Variants in ARHGAP24 observed in about 807,000 individuals in gnomAD.
ARHGAP24 encodes the protein rho GTPase-activating protein 24.
ARHGAP24 carries 50 observed loss-of-function variants against 76.4 expected under a neutral mutation model. The ratio of observed to expected loss-of-function variants is 0.65; its 90% CI spans 0.52 to 0.83. The LOEUF is 0.83. ARHGAP24 is among the 40% of genes least tolerant of loss of function. ARHGAP24 has a pLI of 0.00. For synonymous variants in ARHGAP24, 345 were observed against 323.3 expected, an observed-to-expected ratio of 1.07 and a Z score of -0.72; for missense variants, 930 against 914.2, an observed-to-expected ratio of 1.02 and a Z score of -0.22.
intron 4 of ARHGAP24, among the ~76,000 whole-genome samples, chr4:85,935,361 C>A (rs946252898): frequency 1.3e-5 from 2 of 152,108 alleles, no homozygotes; most frequent in African/African-American, 2.4e-5. Flanking sequence ...AGCACCACAC[C>A]AAATTATCTA....
chr4:85,930,904 C>G, intron 4 of ARHGAP24: 1 of 1,613,182 alleles, frequency 6.2e-7, no homozygotes, highest in Non-Finnish European at 8.5e-7. Flanking sequence ...GAAGCCAAAA[C>G]CGGGTTCAGA....
intron 1 of ARHGAP24, among the ~76,000 whole-genome samples, chr4:85,503,000 G>C (rs982707421): frequency 3.9e-5 from 6 of 152,172 alleles, no homozygotes; most frequent in Non-Finnish European, 8.8e-5. Context: ...CGTAGGTTCT[G>C]TTTATGTGAT....
At chr4:85,655,822 G>GAGAGAC (rs1553920546) in intron 2 of ARHGAP24, among the ~76,000 whole-genome samples, 1 of 107,950 alleles carries the variant, frequency 9.3e-6, no homozygotes, top group Non-Finnish European at 1.8e-5. Flanking sequence ...GAGAGAAAGA[G>GAGAGAC]AGAGAGAGAG....
intron 6 of ARHGAP24, 26 bp downstream of exon 6, chr4:85,972,194 TA>T (rs770511430): frequency 6.2e-7 from 1 of 1,612,028 alleles, no homozygotes; most frequent in Non-Finnish European, 8.5e-7. Flanking sequence ...TATTTCCAAA[TA>T]AGCTTTTGTT....
intron 3 of ARHGAP24, among the ~76,000 whole-genome samples, chr4:85,821,698 T>G (rs978770192): frequency 6.6e-6 from 1 of 152,204 alleles, no homozygotes; most frequent in Non-Finnish European, 1.5e-5. Flanking sequence ...TATTTTTATA[T>G]GAAGGCATAA....
chr4:85,986,854 A>G (rs1269534739), intron 8 of ARHGAP24, among the ~76,000 whole-genome samples: 1 of 152,134 alleles, frequency 6.6e-6, no homozygotes, highest in Non-Finnish European at 1.5e-5. Flanking sequence ...TAGAGTTCTC[A>G]CAAAGGTATT....
intron 2 of ARHGAP24, among the ~76,000 whole-genome samples, chr4:85,655,806 GAGAGAGAGAGAA>G (rs561596414): frequency 0.14 from 10,748 of 76,662 alleles, 376 homozygotes; most frequent in East Asian, 0.22. Flanking sequence ...GAGAGAGAGA[GAGAGAGAGAGAA>G]AGAGAGAGAG....
chr4:85,680,324 T>C (rs1189050285), intron 2 of ARHGAP24, among the ~76,000 whole-genome samples: 4 of 152,212 alleles, frequency 2.6e-5, no homozygotes, highest in African/African-American at 9.7e-5. Flanking sequence ...AGAAAGGTTT[T>C]TATAAAGCCC....
chr4:85,870,795 G>A (rs898547181), intron 3 of ARHGAP24, among the ~76,000 whole-genome samples: 5 of 152,110 alleles, frequency 3.3e-5, no homozygotes, highest in African/African-American at 4.8e-5. Context: ...AGGGAAGAAT[G>A]TTCAGAAATA....
At chr4:85,627,152 A>G (rs1720987164) in intron 2 of ARHGAP24, among the ~76,000 whole-genome samples, 1 of 151,920 alleles carries the variant, frequency 6.6e-6, no homozygotes, top group Non-Finnish European at 1.5e-5. Flanking sequence ...AGGCCTTCTG[A>G]TTTTTAGAGT....
intron 1 of ARHGAP24, among the ~76,000 whole-genome samples, chr4:85,491,474 T>C (rs1723354286): frequency 6.6e-6 from 1 of 152,206 alleles, no homozygotes; most frequent in Non-Finnish European, 1.5e-5. Context: ...TTTTAATTAA[T>C]AAATCAGCTA....
intron 2 of ARHGAP24, among the ~76,000 whole-genome samples, chr4:85,625,512 T>G (rs1318440209): frequency 6.6e-6 from 1 of 152,132 alleles, no homozygotes; most frequent in Non-Finnish European, 1.5e-5. Flanking sequence ...AATTTTGGAG[T>G]AGGTGTGGTG....
intron 2 of ARHGAP24, among the ~76,000 whole-genome samples, chr4:85,583,980 T>C (rs1439636240): frequency 2.7e-5 from 4 of 149,936 alleles, no homozygotes; most frequent in East Asian, 2.0e-4. Context: ...AGGAACACTT[T>C]GACACTGTTG....
chr4:85,931,066 C>T (rs749923387), intron 4 of ARHGAP24: 2 of 1,599,440 alleles, frequency 1.3e-6, no homozygotes, highest in South Asian at 1.1e-5. Flanking sequence ...ATGTTCATGT[C>T]CTTTTTATAA....
rs760686069 is a variant in ARHGAP24 at position 85,825,766 on chromosome 4, A to G, written c.269-97882A>G. Among the ~76,000 whole-genome samples the G allele has an allele frequency of 2.8e-4, 43 of 152,338 alleles. 1 individual carries two copies. Among genetic ancestry groups the G allele is most frequent in the Middle Eastern group, 6.8e-3 (2 of 294 alleles). On this transcript the variant is annotated intron_variant, in intron 3 of 9. Transcript: ENST00000395184. ...ATCTCTGGACTCTTTGTAAAAGTTA[A>G]CTTTCCTAGTCAATATCCTCAAGAA...
intron 3 of ARHGAP24, among the ~76,000 whole-genome samples, chr4:85,859,001 AATGCAC>A: frequency 6.6e-6 from 1 of 152,200 alleles, no homozygotes; most frequent in East Asian, 1.9e-4. Context: ...TAATCTGTAT[AATGCAC>A]ATCCTCCTGC....
intron 1 of ARHGAP24, among the ~76,000 whole-genome samples, chr4:85,551,373 A>T (rs954183797): frequency 3.9e-5 from 6 of 152,184 alleles, no homozygotes; most frequent in Non-Finnish European, 8.8e-5. Context: ...TCCCAGGGAT[A>T]AAGCCTACTT....
chr4:85,796,224 A>G (rs1006568442), intron 3 of ARHGAP24, among the ~76,000 whole-genome samples: 2 of 152,038 alleles, frequency 1.3e-5, no homozygotes, highest in East Asian at 1.9e-4. Flanking sequence ...ACACACTCAC[A>G]CACACATATA....
intron 1 of ARHGAP24, among the ~76,000 whole-genome samples, chr4:85,543,015 G>A (rs995807326): frequency 2.6e-5 from 4 of 152,192 alleles, no homozygotes; most frequent in South Asian, 2.1e-4. Flanking sequence ...TGAAGCTGCT[G>A]CTAACGATGC....
Sources: allele counts gnomAD v4.1 joint callset (sites outside exome capture counted in the v4.1 genomes callset), GRCh38; gene constraint gnomAD v4.1.1; transcripts MANE v1.5; gene names NCBI Gene and HGNC (gene_info 2026-07-23, HGNC 2026-07-21).